The following TRAPPC9 variants were observed in gnomAD, a reference collection of about 807,000 sequenced individuals.
TRAPPC9 encodes IKK2 binding protein.
In TRAPPC9, 83 loss-of-function variants were observed where a neutral mutation model predicts 124.0. The observed-to-expected ratio is 0.67, with a 90% CI of 0.56 to 0.80. The LOEUF (loss-of-function observed/expected upper bound fraction) is 0.80, where lower values mean the gene tolerates loss of function less well. Among genes scored for constraint, TRAPPC9 ranks in the 30% least tolerant of loss-of-function variants. The pLI, the probability that TRAPPC9 is intolerant of heterozygous loss-of-function variation, is 0.00. For synonymous variants in TRAPPC9, 638 were observed against 617.5 expected (o/e 1.03, Z -0.49); for missense variants, 1,302 against 1,508.3 (o/e 0.86, Z 2.27).
At chr8:140,295,635 C>A (rs1043518184) in intron 11 of TRAPPC9, among the ~76,000 whole-genome samples, 3 of 152,242 alleles carry the variant, frequency 2.0e-5, no homozygotes, top group African/African-American at 7.2e-5. Context: ...CACACAAAGA[C>A]TCGTGAACTA....
chr8:140,035,278 A>G lies in TRAPPC9; in HGVS notation c.2557-11199T>C, dbSNP rs1840803850. On this transcript the variant is annotated intron_variant, in intron 17 of 22. Coordinates refer to ENST00000438773, the MANE Select transcript of TRAPPC9 (RefSeq NM_001160372.4). Reference sequence around the variant, plus strand: ...GGATGTGGCCTTTTAAATACTGCTGATCTTCAATATTAGAGAAATGTACTT... The same window carrying G: ...GGATGTGGCCTTTTAAATACTGCTGGTCTTCAATATTAGAGAAATGTACTT... 2.0e-5 allele frequency among the ~76,000 whole-genome samples: 3 copies of G among 152,212 alleles called. No homozygotes were observed. In the South Asian group the frequency reaches 6.2e-4, roughly 32 times the overall value.
chr8:140,111,146 G>A (rs1310583526), intron 17 of TRAPPC9, among the ~76,000 whole-genome samples: 2 of 150,810 alleles, frequency 1.3e-5, no homozygotes, highest in Non-Finnish European at 2.9e-5. Flanking sequence ...ACCCCTCTGA[G>A]TGTGCTGCCT....
chr8:140,140,055 C>A (rs1460161590), intron 17 of TRAPPC9, among the ~76,000 whole-genome samples: 2 of 152,122 alleles, frequency 1.3e-5, no homozygotes, highest in African/African-American at 4.8e-5. Context: ...CAACGGGGTG[C>A]TTGTGTGCAG....
intron 21 of TRAPPC9, among the ~76,000 whole-genome samples, chr8:139,804,727 GCACCACCAC>G (rs1371595514): frequency 2.3e-5 from 1 of 43,862 alleles, no homozygotes; most frequent in South Asian, 9.2e-4. Flanking sequence ...CCGGCACCAA[GCACCACCAC>G]CACCACCACC....
At chr8:140,272,289 C>A (rs887967249) in intron 15 of TRAPPC9, among the ~76,000 whole-genome samples, 37 of 123,970 alleles carry the variant, frequency 3.0e-4, no homozygotes, top group African/African-American at 9.8e-4. Context: ...ATGGTGGTGG[C>A]AGTTGTGACA....
chr8:139,990,360 C>G (rs1040839763), intron 18 of TRAPPC9, among the ~76,000 whole-genome samples: 2 of 152,158 alleles, frequency 1.3e-5, no homozygotes, highest in Non-Finnish European at 2.9e-5. Context: ...GACCTCTATT[C>G]ATTCCAAAGC....
intron 6 of TRAPPC9, among the ~76,000 whole-genome samples, chr8:140,399,752 G>C (rs1351360153): frequency 6.6e-6 from 1 of 152,162 alleles, no homozygotes; most frequent in Non-Finnish European, 1.5e-5. Flanking sequence ...GCTGAAATGA[G>C]TTAAAACTTT....
chr8:139,925,745 C>CT (rs1284174352), intron 19 of TRAPPC9, among the ~76,000 whole-genome samples: 1 of 142,218 alleles, frequency 7.0e-6, no homozygotes, highest in East Asian at 2.0e-4. Context: ...GAGACTCCAT[C>CT]TTAAAAAAAA....
intron 21 of TRAPPC9, among the ~76,000 whole-genome samples, chr8:139,763,106 T>C (rs949813513): frequency 6.6e-6 from 1 of 152,214 alleles, no homozygotes; most frequent in Non-Finnish European, 1.5e-5. Context: ...AGGGCCTTAA[T>C]TTAGCACTAA....
chr8:139,758,952 G>A (rs776894096), intron 21 of TRAPPC9, among the ~76,000 whole-genome samples: 9 of 152,280 alleles, frequency 5.9e-5, no homozygotes, highest in Non-Finnish European at 1.3e-4. Context: ...GGAAGGGCAG[G>A]GGCAGCCCTG....
At chr8:140,037,802 AAC>A (rs112960316) in intron 17 of TRAPPC9, among the ~76,000 whole-genome samples, 6 of 140,862 alleles carry the variant, frequency 4.3e-5, no homozygotes, top group African/African-American at 7.8e-5. Flanking sequence ...ACGCACACCC[AAC>A]ACACACACAG....
chr8:139,813,196 A>G (rs1824563784), intron 21 of TRAPPC9, among the ~76,000 whole-genome samples: 1 of 152,092 alleles, frequency 6.6e-6, no homozygotes. Context: ...AACTAGGCCC[A>G]CTCTGATGAG....
intron 6 of TRAPPC9, among the ~76,000 whole-genome samples, chr8:140,403,315 G>A (rs1035128255): frequency 1.3e-5 from 2 of 151,890 alleles, no homozygotes; most frequent in African/African-American, 4.8e-5. Context: ...CTGTAGTCCC[G>A]CTACTCAGGA....
intron 20 of TRAPPC9, among the ~76,000 whole-genome samples, chr8:139,899,721 C>T (rs1281325824): frequency 2.0e-5 from 3 of 152,180 alleles, no homozygotes; most frequent in Non-Finnish European, 4.4e-5. Context: ...TGGTTTTCCA[C>T]TGTAACCCTT....
chr8:140,011,332 GGTCA>G lies in TRAPPC9; in HGVS notation c.2699+12601_2699+12604del, dbSNP rs1046222968. Among the ~76,000 whole-genome samples the G allele has an allele frequency of 1.3e-4, 20 of 150,122 alleles. No individual in the cohort carries two copies. The East Asian group carries it at 3.0e-3, about 22-fold the overall frequency. ...ACTCCAGCCTGGGCAACAGAGCAAG[GGTCA>G]GTCTCGAAAAATTTAAAAATAAAAA... On this transcript the variant is annotated intron_variant, in intron 18 of 22. Coordinates refer to ENST00000438773, the MANE Select transcript of TRAPPC9 (RefSeq NM_001160372.4).
At chr8:139,808,494 A>G (rs530619745) in intron 21 of TRAPPC9, among the ~76,000 whole-genome samples, 3 of 152,190 alleles carry the variant, frequency 2.0e-5, no homozygotes, top group Non-Finnish European at 4.4e-5. Context: ...GGGTTTTTAA[A>G]ATATATCACA....
chr8:140,235,171 C>G (rs916110871), intron 16 of TRAPPC9, among the ~76,000 whole-genome samples: 1 of 152,136 alleles, frequency 6.6e-6, no homozygotes, highest in Non-Finnish European at 1.5e-5. Context: ...TAGGGTTTCA[C>G]CATGTTGGTC....
At chr8:140,043,623 A>G (rs75968325) in intron 17 of TRAPPC9, among the ~76,000 whole-genome samples, 5,835 of 152,206 alleles carry the variant, frequency 0.038, 351 homozygotes, top group African/African-American at 0.13. Context: ...CCTCCAGCCT[A>G]CAGCAGGGTC....
At chr8:139,947,111 C>A (rs1328779013) in intron 19 of TRAPPC9, among the ~76,000 whole-genome samples, 2 of 152,202 alleles carry the variant, frequency 1.3e-5, no homozygotes, top group Non-Finnish European at 2.9e-5. Flanking sequence ...TTCCATGCAA[C>A]TCACCTGGCA....
Sources: gnomAD v4.1 joint callset for allele counts (sites outside exome capture counted in the v4.1 genomes callset) on GRCh38, gnomAD v4.1.1 for gene constraint, MANE v1.5 for transcripts, NCBI Gene and HGNC (gene_info 2026-07-23, HGNC 2026-07-21) for gene names.